ARID4B: variants seen among roughly 807,000 people sequenced by gnomAD.
ARID4B encodes AT-rich interactive domain-containing protein 4B.
In ARID4B, 26 loss-of-function variants were observed where a neutral mutation model predicts 147.5. That is an observed-to-expected ratio of 0.18 (90% confidence interval 0.13 to 0.24). ARID4B has a LOEUF of 0.24. Ranked by LOEUF, ARID4B falls within the 10% of genes least tolerant of loss-of-function variation. The pLI, the probability that ARID4B is intolerant of heterozygous loss-of-function variation, is 1.00. For synonymous variants in ARID4B, 512 were observed against 507.9 expected, an observed-to-expected ratio of 1.01 and a Z score of -0.11; for missense variants, 1,179 against 1,511.5, an observed-to-expected ratio of 0.78 and a Z score of 3.65.
chr1:235,185,667 C>G (rs1477773186), intron 19 of ARID4B, among the ~76,000 whole-genome samples: 1 of 152,192 alleles, frequency 6.6e-6, no homozygotes, highest in Non-Finnish European at 1.5e-5. Context: ...CCTTACTTAT[C>G]TGAATACATC....
At chr1:235,225,656 C>T (rs1667778858) in intron 11 of ARID4B, among the ~76,000 whole-genome samples, 1 of 152,148 alleles carries the variant, frequency 6.6e-6, no homozygotes. Context: ...AAATATACAG[C>T]TAGGCTTTAC....
intron 2 of ARID4B, among the ~76,000 whole-genome samples, chr1:235,326,024 T>C (rs1675209965): frequency 6.6e-6 from 1 of 152,180 alleles, no homozygotes; most frequent in South Asian, 2.1e-4. Context: ...TCTACACTTG[T>C]GAACACTCTA....
intron 2 of ARID4B, among the ~76,000 whole-genome samples, chr1:235,320,428 TACTACTATTTCTCC>T (rs1674742567): frequency 6.6e-6 from 1 of 152,098 alleles, no homozygotes; most frequent in Non-Finnish European, 1.5e-5. Flanking sequence ...ATATTCCCAA[TACTACTATTTCTCC>T]TCACCACCAT....
Position 235,318,227 on chromosome 1 carries a change from A to C in ARID4B, c.6+8687T>G, listed in dbSNP as rs1674575139. Reference sequence around the variant, plus strand: ...AGTCTTGATCTGACACCTAGGCTGGAGTGCAGTGGCGCCATCGCAGCTCAC... The same window carrying C: ...AGTCTTGATCTGACACCTAGGCTGGCGTGCAGTGGCGCCATCGCAGCTCAC... On this transcript the variant is annotated intron_variant, in intron 2 of 23. Coordinates refer to ENST00000264183, the MANE Select transcript of ARID4B (RefSeq NM_016374.6). 2.5e-5 allele frequency among the ~76,000 whole-genome samples: 3 copies of C among 119,744 alleles called. No homozygotes were observed. The South Asian group carries it at 8.3e-4, about 33-fold the overall frequency. The allele number at this position is 119,744 out of a possible 152,430, so 78.6% of individuals were successfully genotyped here. A position where few individuals can be genotyped will look rare whatever the true frequency, so the allele number is the denominator to read the frequency against.
intron 3 of ARID4B, among the ~76,000 whole-genome samples, chr1:235,259,674 T>C (rs57930739): frequency 0.03 from 4,508 of 152,230 alleles, 220 homozygotes; most frequent in African/African-American, 0.1. Flanking sequence ...CCCTACCAGT[T>C]TGTAGTTAAT....
chr1:235,284,134 G>C (rs1489828672), intron 2 of ARID4B, among the ~76,000 whole-genome samples: 1 of 152,050 alleles, frequency 6.6e-6, no homozygotes. Context: ...GGCCTAGACA[G>C]GCAGATCACT....
intron 16 of ARID4B, among the ~76,000 whole-genome samples, chr1:235,214,417 A>G (rs567660073): frequency 6.6e-6 from 1 of 152,280 alleles, no homozygotes; most frequent in African/African-American, 2.4e-5. Flanking sequence ...TTTTACAACT[A>G]AAAATTATTT....
chr1:235,194,324 A>C (rs1665339266), intron 18 of ARID4B, 113 bp from the exon 19 acceptor site: 1 of 855,778 alleles, frequency 1.2e-6, no homozygotes, highest in Non-Finnish European at 1.8e-6. Flanking sequence ...TATTTAACAT[A>C]AAAAGAAAGA....
intron 2 of ARID4B, among the ~76,000 whole-genome samples, chr1:235,324,528 T>C (rs1675086613): frequency 6.6e-6 from 1 of 152,246 alleles, no homozygotes; most frequent in African/African-American, 2.4e-5. Flanking sequence ...TTTAAAGATT[T>C]GTTGTCGTTA....
intron 2 of ARID4B, among the ~76,000 whole-genome samples, chr1:235,302,365 G>GGACAGAAA (rs1673243422): frequency 6.7e-6 from 1 of 149,962 alleles, no homozygotes; most frequent in African/African-American, 2.5e-5. Flanking sequence ...AAAGGAGTGG[G>GGACAGAAA]GACAGAAAGA....
intron 16 of ARID4B, among the ~76,000 whole-genome samples, chr1:235,214,332 A>G (rs1214748758): frequency 2.0e-5 from 3 of 152,196 alleles, no homozygotes; most frequent in African/African-American, 7.2e-5. Flanking sequence ...CAACTCTAAC[A>G]ATTTTTTCAT....
intron 2 of ARID4B, among the ~76,000 whole-genome samples, chr1:235,266,073 C>T (rs1670589314): frequency 6.6e-6 from 1 of 152,084 alleles, no homozygotes; most frequent in Non-Finnish European, 1.5e-5. Flanking sequence ...AATATTTTCT[C>T]CCTTATTCAA....
intron 8 of ARID4B, among the ~76,000 whole-genome samples, chr1:235,235,878 T>A (rs1268678479): frequency 1.3e-5 from 2 of 152,110 alleles, no homozygotes; most frequent in Admixed American, 6.5e-5. Flanking sequence ...CTAGTCAGGG[T>A]AAATACTCAG....
At chr1:235,193,717 A>G (rs1386290702) in intron 19 of ARID4B, among the ~76,000 whole-genome samples, 3 of 152,162 alleles carry the variant, frequency 2.0e-5, no homozygotes, top group African/African-American at 7.2e-5. Flanking sequence ...AAAATCATAC[A>G]CTTTTTGAGT....
At chr1:235,226,498 T>C (rs977517298) in intron 11 of ARID4B, among the ~76,000 whole-genome samples, 10 of 151,042 alleles carry the variant, frequency 6.6e-5, no homozygotes, top group African/African-American at 2.4e-4. Context: ...GTAGCTGGGA[T>C]AACAGGCACC....
chr1:235,214,439 AT>A (rs1311430980), intron 16 of ARID4B, among the ~76,000 whole-genome samples: 1 of 152,142 alleles, frequency 6.6e-6, no homozygotes, highest in Non-Finnish European at 1.5e-5. Flanking sequence ...TCATTCAAAT[AT>A]TTCCAGCCTC....
chr1:235,218,035 T>C (rs1667210174), intron 16 of ARID4B, among the ~76,000 whole-genome samples: 1 of 152,196 alleles, frequency 6.6e-6, no homozygotes, highest in African/African-American at 2.4e-5. Flanking sequence ...TATGCTATAA[T>C]AACAGTTATG....
intron 16 of ARID4B, among the ~76,000 whole-genome samples, chr1:235,219,483 C>G (rs571921961): frequency 6.6e-6 from 1 of 152,236 alleles, no homozygotes; most frequent in East Asian, 1.9e-4. Context: ...ATATATAAAA[C>G]ATGGACATAG....
intron 2 of ARID4B, among the ~76,000 whole-genome samples, chr1:235,291,359 G>C (rs1003644930): frequency 1.3e-5 from 2 of 152,076 alleles, no homozygotes; most frequent in East Asian, 3.8e-4. Context: ...GGTGAGCTGA[G>C]ATCGCACCAC....
Sources: allele counts gnomAD v4.1 joint callset (sites outside exome capture counted in the v4.1 genomes callset), GRCh38; gene constraint gnomAD v4.1.1; transcripts MANE v1.5; gene names NCBI Gene and HGNC (gene_info 2026-07-23, HGNC 2026-07-21).